The following IPO5 variants were observed in gnomAD, a reference collection of about 807,000 sequenced individuals.
The protein encoded by IPO5 is importin-5.
In IPO5, 18 loss-of-function variants were observed where a neutral mutation model predicts 143.3. The observed-to-expected ratio is 0.13, with a 90% CI of 0.09 to 0.19. IPO5 has a LOEUF of 0.19. IPO5 is among the 10% of genes least tolerant of loss of function. IPO5 has a pLI of 1.00. For missense variants in IPO5, 1,013 were observed against 1,336.9 expected (o/e 0.76, Z 3.78); for synonymous variants, 477 against 465.7 (o/e 1.02, Z -0.31).
chr13:97,959,062 C>G (rs569161897), intron 2 of IPO5, among the ~76,000 whole-genome samples: 1 of 151,786 alleles, frequency 6.6e-6, no homozygotes, highest in Non-Finnish European at 1.5e-5. Flanking sequence ...ATCCCAGCTA[C>G]TCGGGAGGCT....
At chr13:97,972,914 C>G (rs1885939917) in intron 3 of IPO5, among the ~76,000 whole-genome samples, 1 of 152,198 alleles carries the variant, frequency 6.6e-6, no homozygotes, top group South Asian at 2.1e-4. Flanking sequence ...ACTAAAGATA[C>G]AAATCCCCTA....
At position 97,993,216 on chromosome 13, in the gene IPO5, G is replaced by T. The variant is rs1204306914; in HGVS notation, c.904G>T (p.Ala302Ser). Residue 302 changes from alanine to serine, a missense_variant, in exon 11 of 29, where the codon GCA (alanine) becomes TCA (serine). Transcript: ENST00000651721. ...GTTAAGAAAACATACCAATATTGTTGCACAGACTAGTAAGTCAATGGTCTT... is the reference window on the plus strand; with the variant it reads ...GTTAAGAAAACATACCAATATTGTTTCACAGACTAGTAAGTCAATGGTCTT... The part of the protein sequence containing the change: ...AMLRKHTNIV[A>S]QTIPQMLAMM... The T allele has an allele frequency of 6.2e-7, 1 of 1,613,642 alleles. No homozygotes were observed. The highest frequency in any genetic ancestry group is 8.5e-7 in the Non-Finnish European group (1 of 1,179,912).
intron 4 of IPO5, chr13:97,982,176 C>T (rs769981318): frequency 8.5e-6 from 2 of 234,200 alleles, no homozygotes; most frequent in East Asian, 1.0e-4. Context: ...CTAAAGTTTG[C>T]AGCACAATGG....
chr13:97,986,271 A>T (rs1887334262), intron 6 of IPO5, among the ~76,000 whole-genome samples: 1 of 152,214 alleles, frequency 6.6e-6, no homozygotes, highest in African/African-American at 2.4e-5. Context: ...TTGAACTAAA[A>T]ATCAGAGACT....
chr13:97,967,795 C>T (rs1885475559), intron 2 of IPO5, among the ~76,000 whole-genome samples: 1 of 152,086 alleles, frequency 6.6e-6, no homozygotes, highest in African/African-American at 2.4e-5. Flanking sequence ...CCACGCCCGG[C>T]TAATTTTTTG....
intron 22 of IPO5, among the ~76,000 whole-genome samples, chr13:98,014,850 T>C (rs1407371877): frequency 6.6e-6 from 1 of 152,030 alleles, no homozygotes; most frequent in Non-Finnish European, 1.5e-5. Context: ...TTTTTTTTTT[T>C]TTCATTGCCC....
intron 6 of IPO5, 40 bp downstream of exon 6, chr13:97,985,653 T>A: frequency 7.3e-7 from 1 of 1,365,172 alleles, no homozygotes; most frequent in Non-Finnish European, 1.0e-6. Flanking sequence ...AGAACATGGG[T>A]ATATCCTTCC....
Position 97,969,783 on chromosome 13 carries a change from G to A in IPO5, c.-52G>A. 2.5e-6 allele frequency: 4 copies of A among 1,612,148 alleles called. No homozygotes were observed. Among genetic ancestry groups the A allele is most frequent in the Non-Finnish European group, 3.4e-6 (4 of 1,178,576 alleles). On this transcript the variant is annotated 5_prime_UTR_variant, in exon 3 of 29. The change abolishes an upstream ATG in the 5' untranslated region. Transcript: ENST00000651721. ...AAAGTACTGCAGCATGTCTTCAAAT[G>A]CCTGAGGATCAAGTTGGAAAACTAG...
intron 16 of IPO5, among the ~76,000 whole-genome samples, chr13:98,004,679 C>G (rs757797198): frequency 6.6e-6 from 1 of 152,078 alleles, no homozygotes; most frequent in African/African-American, 2.4e-5. Flanking sequence ...GACATTTCCT[C>G]TGGGGCCAGC....
intron 2 of IPO5, among the ~76,000 whole-genome samples, chr13:97,959,317 C>G (rs1884688722): frequency 1.3e-5 from 2 of 152,178 alleles, no homozygotes; most frequent in South Asian, 4.1e-4. Flanking sequence ...CTATCCCCTT[C>G]TTTCCTTTCT....
chr13:97,997,235 C>T (rs866079045), intron 11 of IPO5, among the ~76,000 whole-genome samples: 15 of 152,156 alleles, frequency 9.9e-5, no homozygotes, highest in Non-Finnish European at 1.3e-4. Context: ...AAAACAATTG[C>T]GGAATGAGAA....
At chr13:98,014,300 CAG>C (rs1250318732) in intron 22 of IPO5, 86 bp downstream of exon 22, 9 of 953,504 alleles carry the variant, frequency 9.4e-6, no homozygotes, top group East Asian at 7.8e-5. Context: ...AAATTTGAGA[CAG>C]GGTATTGCTC....
intron 2 of IPO5, among the ~76,000 whole-genome samples, chr13:97,968,466 G>A (rs1885536368): frequency 6.6e-6 from 1 of 152,116 alleles, no homozygotes; most frequent in South Asian, 2.1e-4. Flanking sequence ...GTTACTGAAA[G>A]GTGGGAACAG....
rs779121909 is a variant in IPO5, at chr13:98,021,144, T to G, written c.3207+11T>G. On this transcript the variant is annotated intron_variant, in intron 28 of 28. Transcript: ENST00000651721. ...GTTCGCCAAGTACAGGTAAGCTGAT[T>G]TGGTTGAATTGGGGAGGGGGAGATA... 3.2e-6 allele frequency: 5 copies of G among 1,585,678 alleles called. No homozygotes were observed. The highest frequency in any genetic ancestry group is 3.3e-4 in the Middle Eastern group (2 of 5,996).
intron 4 of IPO5, chr13:97,981,329 CAG>C (rs1566484119): frequency 6.7e-6 from 3 of 446,958 alleles, no homozygotes; most frequent in South Asian, 1.6e-5. Context: ...CTTTCAGTAC[CAG>C]AGAGATTTTG....
At chr13:98,009,840 A>T in intron 18 of IPO5, 41 bp from the exon 19 acceptor site, 1 of 1,467,640 alleles carries the variant, frequency 6.8e-7, no homozygotes, top group Non-Finnish European at 9.3e-7. Context: ...ACGTTTACCC[A>T]TTGTTTTTTA....
chr13:97,982,379 G>GTGT (rs1886924510), intron 4 of IPO5, 124 bp from the exon 5 acceptor site: 3 of 639,072 alleles, frequency 4.7e-6, no homozygotes, highest in Middle Eastern at 2.5e-4. Flanking sequence ...GTCACAGAAG[G>GTGT]TGTTAACACC....
intron 2 of IPO5, among the ~76,000 whole-genome samples, chr13:97,969,352 T>G (rs960021414): frequency 6.6e-5 from 10 of 151,114 alleles, no homozygotes; most frequent in African/African-American, 1.5e-4. Flanking sequence ...CAGCTAATTT[T>G]TTTGTATTTT....
chr13:98,002,818 A>T, intron 15 of IPO5, 45 bp downstream of exon 15: 1 of 1,598,036 alleles, frequency 6.3e-7, no homozygotes, highest in Non-Finnish European at 8.5e-7. Flanking sequence ...TTTAGGAAGA[A>T]GGGTGGACAT....
Sources: gnomAD v4.1 joint callset for allele counts (sites outside exome capture counted in the v4.1 genomes callset) on GRCh38, gnomAD v4.1.1 for gene constraint, MANE v1.5 for transcripts, NCBI Gene and HGNC (gene_info 2026-07-23, HGNC 2026-07-21) for gene names.